The following RNF6 variants were observed in gnomAD, a reference collection of about 807,000 sequenced individuals.
RNF6 encodes the protein ring finger protein 6, also known as E3 ubiquitin-protein ligase RNF6.
In RNF6, 21 loss-of-function variants were observed where a neutral mutation model predicts 50.1. That is an observed-to-expected ratio of 0.42 (90% confidence interval 0.30 to 0.60). The LOEUF (loss-of-function observed/expected upper bound fraction) is 0.60. Ranked by LOEUF, RNF6 falls within the 20% of genes least tolerant of loss-of-function variation. The pLI, the probability that RNF6 is intolerant of heterozygous loss-of-function variation, is 0.20. For missense variants in RNF6, 698 were observed against 838.2 expected, an observed-to-expected ratio of 0.83 and a Z score of 2.07; for synonymous variants, 255 against 291.8, an observed-to-expected ratio of 0.87 and a Z score of 1.29.
At chr13:26,150,133 T>C (rs1463521228) in intron 5 of RNF6, among the ~76,000 whole-genome samples, 1 of 151,028 alleles carries the variant, frequency 6.6e-6, no homozygotes, top group Non-Finnish European at 1.5e-5. Context: ...TATTATACAC[T>C]TGAAGTGTTA....
downstream of RNF6, among the ~76,000 whole-genome samples, chr13:26,209,940 C>G (rs1869254886): frequency 6.6e-6 from 1 of 152,136 alleles, no homozygotes; most frequent in Non-Finnish European, 1.5e-5. Flanking sequence ...GGGGCCAACT[C>G]AGAGTCTTCA....
chr13:26,208,197 G>T (rs965393298), downstream of RNF6, among the ~76,000 whole-genome samples: 2 of 152,196 alleles, frequency 1.3e-5, no homozygotes, highest in African/African-American at 4.8e-5. Context: ...TGGACTGGGG[G>T]AATACTCTAT....
At chr13:26,168,436 A>G (rs924897036) in intron 5 of RNF6, among the ~76,000 whole-genome samples, 1 of 152,208 alleles carries the variant, frequency 6.6e-6, no homozygotes, top group Non-Finnish European at 1.5e-5. Context: ...AGCCTGATTC[A>G]CAAGAATTGG....
At chr13:26,219,792 A>C in intron 2 of RNF6, 125 bp from the exon 3 acceptor site, 1 of 788,610 alleles carries the variant, frequency 1.3e-6, no homozygotes, top group Non-Finnish European at 2.0e-6. Context: ...TGTATTTGCC[A>C]AATCTTGCAG....
chr13:26,170,731 T>G (rs910226858), intron 5 of RNF6, among the ~76,000 whole-genome samples: 8 of 152,200 alleles, frequency 5.3e-5, no homozygotes, highest in African/African-American at 1.4e-4. Flanking sequence ...GGTAAAGTTA[T>G]TAGATTTTTA....
chr13:26,180,789 G>A (rs1873198392), intron 5 of RNF6, among the ~76,000 whole-genome samples: 1 of 152,228 alleles, frequency 6.6e-6, no homozygotes, highest in Non-Finnish European at 1.5e-5. Flanking sequence ...AAATATCTGG[G>A]TGGCAGATCC....
In RNF6 at chr13:26,150,297, A is replaced by G. The variant is rs559730717; in HGVS notation, n.769-17846T>C. 5.9e-5 allele frequency among the ~76,000 whole-genome samples: 9 copies of G among 152,196 alleles called. No homozygotes were observed. The South Asian group carries it at 1.7e-3, about 28-fold the overall frequency. On this transcript the variant is annotated intron_variant and non_coding_transcript_variant, in intron 5 of 5. Transcript: ENST00000468480. ...CGAAAGGACAACACTGATTTTAGTG[A>G]TGTCATGTCTTTACAGGATGGGTTG...
At chr13:26,175,713 C>T (rs936388919) in intron 5 of RNF6, among the ~76,000 whole-genome samples, 18 of 152,136 alleles carry the variant, frequency 1.2e-4, no homozygotes, top group Non-Finnish European at 2.1e-4. Context: ...GAGAGAGTAA[C>T]AGGAAATAAT....
At chr13:26,195,802 C>G (rs1235006068) in intron 5 of RNF6, among the ~76,000 whole-genome samples, 1 of 151,998 alleles carries the variant, frequency 6.6e-6, no homozygotes, top group East Asian at 1.9e-4. Context: ...ACACCCACAC[C>G]CACACACACA....
At chr13:26,160,196 T>A (rs1255137530) in intron 5 of RNF6, among the ~76,000 whole-genome samples, 1 of 152,206 alleles carries the variant, frequency 6.6e-6, no homozygotes, top group East Asian at 1.9e-4. Context: ...ATCTACTTAG[T>A]ATCAAAATTG....
At chr13:26,164,471 G>C (rs577186350) in intron 5 of RNF6, among the ~76,000 whole-genome samples, 31 of 152,028 alleles carry the variant, frequency 2.0e-4, no homozygotes, top group Non-Finnish European at 4.1e-4. Flanking sequence ...CCTAACCCCT[G>C]AGACTTTTTA....
At chr13:26,167,967 T>C (rs1026960584) in intron 5 of RNF6, among the ~76,000 whole-genome samples, 7 of 152,268 alleles carry the variant, frequency 4.6e-5, no homozygotes, top group Admixed American at 4.6e-4. Context: ...ATACCACATG[T>C]TCTCACCCAC....
intron 5 of RNF6, among the ~76,000 whole-genome samples, chr13:26,184,633 G>C (rs1403769001): frequency 1.3e-5 from 2 of 152,112 alleles, no homozygotes; most frequent in African/African-American, 4.8e-5. Flanking sequence ...TTACAGAGAC[G>C]AACATTCAGT....
At chr13:26,148,270 C>G (rs1412689663) in intron 5 of RNF6, among the ~76,000 whole-genome samples, 1 of 152,096 alleles carries the variant, frequency 6.6e-6, no homozygotes, top group Non-Finnish European at 1.5e-5. Flanking sequence ...CAGGTCCCTT[C>G]TTTGACACAT....
intron 5 of RNF6, among the ~76,000 whole-genome samples, chr13:26,202,041 T>G (rs1203096955): frequency 1.3e-5 from 2 of 152,158 alleles, no homozygotes; most frequent in African/African-American, 4.8e-5. Context: ...AGGCCCTTAT[T>G]CTGAGAGCGG....
At position 26,214,380 on chromosome 13, in the gene RNF6, T is replaced by C. The variant is rs756325477; in HGVS notation, c.1502A>G (p.Asp501Gly). 7 of 1,614,156 alleles carry C rather than the reference T, an allele frequency of 4.3e-6. No homozygotes were observed. Among genetic ancestry groups the C allele is most frequent in the African/African-American group, 1.3e-5 (1 of 75,048 alleles). ...FGELSSLMEA[D>G]SESELQRNGQ... ...ATTTCTTTGAAGTTCTGACTCAGAA[T>C]CGGCCTCCATTAGAGAACTCAGTTC... Residue 501 changes from aspartate (D) to glycine (G), a missense_variant, in exon 5 of 5, where the codon GAT becomes GGT. Physicochemically the swap from Asp to Gly is moderately conservative, Grantham distance 94. Transcript: ENST00000381588.
At chr13:26,212,308 A>T (rs369282558), downstream of RNF6, among the ~76,000 whole-genome samples, 8 of 152,314 alleles carry the variant, frequency 5.3e-5, no homozygotes, top group African/African-American at 1.9e-4. Context: ...CCAGTCTTAG[A>T]TCCTCAAACT....
At chr13:26,186,927 G>A (rs866658776) in intron 5 of RNF6, among the ~76,000 whole-genome samples, 5 of 152,192 alleles carry the variant, frequency 3.3e-5, no homozygotes, top group African/African-American at 9.6e-5. Context: ...ACAGGCGCCC[G>A]CCACCACGCC....
Position 26,218,514 on chromosome 13 carries a change from T to C in RNF6, c.286A>G (p.Arg96Gly). The change falls in exon 4 of 5, where the codon AGA becomes GGA. Residue 96 changes from arginine to glycine, a missense_variant. Transcript: ENST00000381588. Reference protein sequence around the residue: ...QPDLRDGTNYRDSEVPRESSH... With the variant: ...QPDLRDGTNYGDSEVPRESSH... ...TATGGAAAGGACTCCATAGTACCTC[T>C]GTAATTCGTTCCATCTCTCAAGTCA... is the stretch of plus-strand genomic sequence containing the variant. The C allele has an allele frequency of 6.2e-7, 1 of 1,612,716 alleles. No homozygotes were observed. The highest frequency in any genetic ancestry group is 8.5e-7 in the Non-Finnish European group (1 of 1,178,786).
Sources: gnomAD v4.1 joint callset for allele counts (sites outside exome capture counted in the v4.1 genomes callset) on GRCh38, gnomAD v4.1.1 for gene constraint, MANE v1.5 for transcripts, NCBI Gene and HGNC (gene_info 2026-07-23, HGNC 2026-07-21) for gene names.